MBOAT2: variants seen among roughly 807,000 people sequenced by gnomAD.
The protein encoded by MBOAT2 is membrane bound glycerophospholipid O-acyltransferase 2, also known as membrane-bound glycerophospholipid O-acyltransferase 2.
A neutral mutation model predicts 63.4 loss-of-function variants in MBOAT2; 28 were observed. That is an observed-to-expected ratio of 0.44 (90% CI 0.33 to 0.61). The LOEUF is 0.61. MBOAT2 is among the 20% of genes least tolerant of loss of function. The probability of loss-of-function intolerance (pLI) is 0.03; values close to 1 mark genes in which losing one functional copy is unlikely to be tolerated. For synonymous variants in MBOAT2, 211 were observed against 215.6 expected (o/e 0.98, Z 0.19); for missense variants, 470 against 605.8 (o/e 0.78, Z 2.35).
intron 1 of MBOAT2, among the ~76,000 whole-genome samples, chr2:8,970,046 C>T (rs1256357004): frequency 6.6e-6 from 1 of 152,198 alleles, no homozygotes; most frequent in Non-Finnish European, 1.5e-5. Flanking sequence ...GAACTCTCCA[C>T]CCCAAATCAA....
chr2:8,928,042 C>T (rs1219307753), intron 3 of MBOAT2, among the ~76,000 whole-genome samples: 6 of 152,038 alleles, frequency 3.9e-5, no homozygotes, highest in East Asian at 1.9e-4. Context: ...AGTAAGAAAG[C>T]GGTGGGAGGT....
intron 9 of MBOAT2, among the ~76,000 whole-genome samples, chr2:8,865,456 G>A (rs1661801958): frequency 6.6e-6 from 1 of 151,994 alleles, no homozygotes; most frequent in African/African-American, 2.4e-5. Flanking sequence ...TTCTCCTTTA[G>A]GGCCAATGTC....
At position 8,873,118 on chromosome 2, in the gene MBOAT2, T is replaced by A; in HGVS notation, c.873A>T (p.Ala291=). ...LLAARPKYYF[A]WTLADAINNA... Reference sequence around the variant, plus strand: ...TTACATGTTACTTACCTAGCGTCCATGCAAAATAGTATTTGGGTCTGGCAG... The same window carrying A: ...TTACATGTTACTTACCTAGCGTCCAAGCAAAATAGTATTTGGGTCTGGCAG... Residue 291 remains alanine, a synonymous_variant, in exon 8 of 13, where the codon GCA becomes GCT. Coordinates refer to ENST00000305997, the MANE Select transcript of MBOAT2 (RefSeq NM_138799.4). The A allele has an allele frequency of 6.2e-7, 1 of 1,613,866 alleles. No homozygotes were observed. The highest frequency in any genetic ancestry group is 8.5e-7 in the Non-Finnish European group (1 of 1,179,804).
At chr2:8,938,863 C>T (rs975808756) in intron 3 of MBOAT2, among the ~76,000 whole-genome samples, 3 of 152,212 alleles carry the variant, frequency 2.0e-5, no homozygotes, top group African/African-American at 7.2e-5. Flanking sequence ...ACCTCTTCAG[C>T]TACTTAAGAG....
chr2:8,990,125 T>C (rs1176859374), intron 1 of MBOAT2, among the ~76,000 whole-genome samples: 1 of 152,212 alleles, frequency 6.6e-6, no homozygotes, highest in Non-Finnish European at 1.5e-5. Flanking sequence ...CTCTCTGAAA[T>C]TTGAGGCCTA....
At chr2:8,992,063 A>G (rs1257305366) in intron 1 of MBOAT2, among the ~76,000 whole-genome samples, 1 of 152,218 alleles carries the variant, frequency 6.6e-6, no homozygotes, top group Non-Finnish European at 1.5e-5. Flanking sequence ...CAGCTAAGCA[A>G]CACCATACAA....
intron 3 of MBOAT2, among the ~76,000 whole-genome samples, chr2:8,912,356 AGAAAGAAAGAAAGAAAG>A: frequency 2.8e-5 from 3 of 107,146 alleles, no homozygotes; most frequent in African/African-American, 1.2e-4. Flanking sequence ...AGAAAGAGAA[AGAAAGAAAGAAAGAAAG>A]AGAAAGAAAG....
At chr2:8,865,655 A>AC (rs1318292158) in intron 9 of MBOAT2, among the ~76,000 whole-genome samples, 2 of 152,116 alleles carry the variant, frequency 1.3e-5, no homozygotes, top group East Asian at 1.9e-4. Context: ...CCCTATTTCT[A>AC]CCCTCTTCCC....
intron 7 of MBOAT2, 100 bp from the exon 8 acceptor site, chr2:8,873,400 T>C: frequency 8.4e-7 from 1 of 1,184,382 alleles, no homozygotes; most frequent in Non-Finnish European, 1.2e-6. Flanking sequence ...GGATCATCAG[T>C]CCTACAACTC....
intron 3 of MBOAT2, among the ~76,000 whole-genome samples, chr2:8,933,314 A>G (rs1201501587): frequency 6.6e-6 from 1 of 152,214 alleles, no homozygotes; most frequent in Non-Finnish European, 1.5e-5. Flanking sequence ...AAGATCAGAT[A>G]TATCATCAAA....
intron 6 of MBOAT2, 110 bp from the exon 7 acceptor site, chr2:8,877,323 A>C: frequency 9.6e-7 from 1 of 1,044,630 alleles, no homozygotes; most frequent in Non-Finnish European, 1.4e-6. Flanking sequence ...ACAAGCTTTC[A>C]TTTTCATTTG....
intron 1 of MBOAT2, among the ~76,000 whole-genome samples, chr2:8,982,121 C>T (rs950307680): frequency 6.6e-6 from 1 of 152,106 alleles, no homozygotes; most frequent in South Asian, 2.1e-4. Flanking sequence ...CGAGATAACC[C>T]ATGGCAGGGT....
chr2:8,984,199 G>C (rs1411256056), intron 1 of MBOAT2, among the ~76,000 whole-genome samples: 1 of 152,124 alleles, frequency 6.6e-6, no homozygotes, highest in Non-Finnish European at 1.5e-5. Flanking sequence ...GAAGTATCTA[G>C]AACAGTCAAC....
At chr2:8,986,840 G>A (rs948152659) in intron 1 of MBOAT2, among the ~76,000 whole-genome samples, 4 of 152,096 alleles carry the variant, frequency 2.6e-5, no homozygotes, top group Admixed American at 6.6e-5. Context: ...AAGACCACGC[G>A]AGCACACCCC....
chr2:8,969,710 G>T (rs1214665354), intron 1 of MBOAT2, among the ~76,000 whole-genome samples: 1 of 152,120 alleles, frequency 6.6e-6, no homozygotes, highest in African/African-American at 2.4e-5. Context: ...AAAAGGCAGG[G>T]CTTGCAATCC....
intron 3 of MBOAT2, among the ~76,000 whole-genome samples, chr2:8,929,751 T>C (rs934528003): frequency 2.6e-5 from 4 of 152,222 alleles, no homozygotes; most frequent in African/African-American, 9.6e-5. Flanking sequence ...GTAATGGGAC[T>C]GCTGGGTCAA....
chr2:8,882,802 G>A (rs1387827637), intron 5 of MBOAT2, among the ~76,000 whole-genome samples: 1 of 152,118 alleles, frequency 6.6e-6, no homozygotes, highest in African/African-American at 2.4e-5. Flanking sequence ...TATAATTAAA[G>A]AATTCCCAAA....
At chr2:8,959,328 T>C (rs976205541) in intron 1 of MBOAT2, among the ~76,000 whole-genome samples, 1 of 152,186 alleles carries the variant, frequency 6.6e-6, no homozygotes, top group Admixed American at 6.5e-5. Flanking sequence ...AACTAAACTG[T>C]TCTTGACTTA....
chr2:8,995,692 G>A (rs993876018), intron 1 of MBOAT2, among the ~76,000 whole-genome samples: 2 of 150,644 alleles, frequency 1.3e-5, no homozygotes, highest in Admixed American at 6.6e-5. Flanking sequence ...CCGGGTTCGC[G>A]CCATTCTCCT....
Sources: allele counts gnomAD v4.1 joint callset (sites outside exome capture counted in the v4.1 genomes callset), GRCh38; gene constraint gnomAD v4.1.1; transcripts MANE v1.5; gene names NCBI Gene and HGNC (gene_info 2026-07-23, HGNC 2026-07-21).